GMDS: variants seen among roughly 807,000 people sequenced by gnomAD.
GMDS encodes GDP-mannose 4,6-dehydratase, also known as GDP-mannose 4,6 dehydratase.
GMDS carries 20 observed loss-of-function variants against 49.9 expected under a neutral mutation model. The observed-to-expected ratio is 0.40, with a 90% CI of 0.28 to 0.58. The LOEUF is 0.58. GMDS is among the 20% of genes least tolerant of loss of function. The pLI, the probability that GMDS is intolerant of heterozygous loss-of-function variation, is 0.42. For synonymous variants in GMDS, 177 were observed against 178.6 expected, an observed-to-expected ratio of 0.99 and a Z score of 0.07; for missense variants, 362 against 481.4, an observed-to-expected ratio of 0.75 and a Z score of 2.32.
chr6:2,239,595 C>T (rs540729173), intron 1 of GMDS, among the ~76,000 whole-genome samples: 1 of 152,248 alleles, frequency 6.6e-6, no homozygotes, highest in African/African-American at 2.4e-5. Flanking sequence ...CTCTGATTCC[C>T]AGTCCAGAGC....
intron 9 of GMDS, among the ~76,000 whole-genome samples, chr6:1,714,565 A>G (rs1023226570): frequency 1.3e-5 from 2 of 152,216 alleles, no homozygotes; most frequent in African/African-American, 4.8e-5. Context: ...AAAGTTTCAG[A>G]GTAGCAGAGA....
At chr6:2,046,085 C>T (rs1008209551) in intron 4 of GMDS, among the ~76,000 whole-genome samples, 2 of 152,132 alleles carry the variant, frequency 1.3e-5, no homozygotes, top group African/African-American at 4.8e-5. Flanking sequence ...CACACACACA[C>T]ACCTGTAGTC....
At chr6:1,887,709 A>T (rs1440267284) in intron 7 of GMDS, among the ~76,000 whole-genome samples, 1 of 152,182 alleles carries the variant, frequency 6.6e-6, no homozygotes, top group Non-Finnish European at 1.5e-5. Context: ...CTCCCAAATT[A>T]CTTAAAAACT....
At chr6:1,658,436 G>T (rs775338285) in intron 9 of GMDS, among the ~76,000 whole-genome samples, 1 of 152,204 alleles carries the variant, frequency 6.6e-6, no homozygotes, top group Non-Finnish European at 1.5e-5. Context: ...ACAGCCCAGC[G>T]CTCTGCCTAC....
chr6:2,227,573 C>G (rs1247723844), intron 1 of GMDS, among the ~76,000 whole-genome samples: 1 of 152,150 alleles, frequency 6.6e-6, no homozygotes, highest in East Asian at 1.9e-4. Context: ...TTCAGTAGTT[C>G]CTAGAGAGTG....
chr6:1,665,312 C>G (rs1400113681), intron 9 of GMDS, among the ~76,000 whole-genome samples: 1 of 152,112 alleles, frequency 6.6e-6, no homozygotes, highest in Non-Finnish European at 1.5e-5. Context: ...GGATTTGTTT[C>G]AATTCCTTGT....
At chr6:1,813,367 T>A (rs1770526537) in intron 7 of GMDS, among the ~76,000 whole-genome samples, 1 of 152,210 alleles carries the variant, frequency 6.6e-6, no homozygotes, top group African/African-American at 2.4e-5. Flanking sequence ...GTTCGTTAGA[T>A]GAAGGTTCAG....
chr6:1,638,690 T>C (rs1248720790), intron 9 of GMDS, among the ~76,000 whole-genome samples: 1 of 152,136 alleles, frequency 6.6e-6, no homozygotes, highest in African/African-American at 2.4e-5. Flanking sequence ...TTGCTTGGTA[T>C]CTGTTCCCTT....
chr6:2,122,942 T>C lies in GMDS; in HGVS notation c.147+1745A>G, dbSNP rs529551206. ...TATGATTTGCCAAGTGGGCCTTCTA[T>C]TGTCTTTTTGTGTCATAATAAAATC... is the stretch of plus-strand genomic sequence containing the variant. On this transcript the variant is annotated intron_variant, in intron 2 of 10. Transcript: ENST00000380815. Among the ~76,000 whole-genome samples, 8 of 152,346 alleles carry C rather than the reference T, an allele frequency of 5.3e-5. No homozygotes were observed. In the South Asian group the frequency reaches 1.7e-3, roughly 32 times the overall value.
intron 9 of GMDS, among the ~76,000 whole-genome samples, chr6:1,652,533 ATATTAT>A (rs1248357693): frequency 6.3e-5 from 1 of 15,820 alleles, no homozygotes; most frequent in African/African-American, 2.0e-4. Context: ...TATATAATAT[ATATTAT>A]TTATATATAA....
chr6:1,697,997 G>A (rs758621834), intron 9 of GMDS, among the ~76,000 whole-genome samples: 13 of 152,320 alleles, frequency 8.5e-5, no homozygotes, highest in Non-Finnish European at 1.6e-4. Flanking sequence ...GCACCTTTAG[G>A]GGAGTCAAGC....
chr6:1,933,251 G>C (rs1159741614), intron 6 of GMDS, among the ~76,000 whole-genome samples: 1 of 152,072 alleles, frequency 6.6e-6, no homozygotes, highest in Non-Finnish European at 1.5e-5. Context: ...TCTATTATAT[G>C]TATATACCAA....
At chr6:1,631,558 G>T (rs1429923920) in intron 9 of GMDS, among the ~76,000 whole-genome samples, 3 of 151,970 alleles carry the variant, frequency 2.0e-5, no homozygotes, top group Non-Finnish European at 4.4e-5. Context: ...TGTAGATGGG[G>T]TTTTTTTCCT....
intron 9 of GMDS, among the ~76,000 whole-genome samples, chr6:1,667,471 C>G (rs190626162): frequency 2.6e-4 from 39 of 152,280 alleles, no homozygotes; most frequent in Non-Finnish European, 4.3e-4. Context: ...TTTCCCAGAG[C>G]CCCTCGTGAA....
chr6:1,879,891 G>T (rs1759280095), intron 7 of GMDS, among the ~76,000 whole-genome samples: 1 of 151,648 alleles, frequency 6.6e-6, no homozygotes, highest in African/African-American at 2.4e-5. Context: ...GTATTTAAGG[G>T]TATAAGAGGC....
chr6:1,987,662 C>T (rs572728321), intron 4 of GMDS, among the ~76,000 whole-genome samples: 74 of 152,128 alleles, frequency 4.9e-4, no homozygotes, highest in Non-Finnish European at 9.3e-4. Context: ...GGGAAAAAAG[C>T]TGGAAAGGGA....
intron 4 of GMDS, among the ~76,000 whole-genome samples, chr6:2,014,112 A>T (rs1476953061): frequency 3.3e-5 from 2 of 61,348 alleles, no homozygotes; most frequent in African/African-American, 7.9e-5. Flanking sequence ...CAACAAAATT[A>T]TCCCCCCCCC....
chr6:2,058,190 T>A (rs1244899407), intron 4 of GMDS, among the ~76,000 whole-genome samples: 1 of 151,970 alleles, frequency 6.6e-6, no homozygotes, highest in African/African-American at 2.4e-5. Flanking sequence ...AAACCCTGTC[T>A]CCACTAAAAA....
At chr6:1,895,752 G>C (rs1404570732) in intron 7 of GMDS, among the ~76,000 whole-genome samples, 1 of 152,086 alleles carries the variant, frequency 6.6e-6, no homozygotes, top group Non-Finnish European at 1.5e-5. Context: ...CTGCCCAATA[G>C]GTTTTGTACA....
Sources: allele counts gnomAD v4.1 joint callset (sites outside exome capture counted in the v4.1 genomes callset), GRCh38; gene constraint gnomAD v4.1.1; transcripts MANE v1.5; gene names NCBI Gene and HGNC (gene_info 2026-07-23, HGNC 2026-07-21).